Variants in RAB11FIP4 observed in about 807,000 individuals in gnomAD.
The protein encoded by RAB11FIP4 is RAB11 family interacting protein 4.
A neutral mutation model predicts 74.3 loss-of-function variants in RAB11FIP4; 23 were observed. That is an observed-to-expected ratio of 0.31 (90% confidence interval 0.22 to 0.44). The LOEUF (loss-of-function observed/expected upper bound fraction) is 0.44. RAB11FIP4 is among the 20% of genes least tolerant of loss of function. The probability of loss-of-function intolerance (pLI) is 1.00; values close to 1 mark genes in which losing one functional copy is unlikely to be tolerated. For synonymous variants in RAB11FIP4, 360 were observed against 359.9 expected (o/e 1.00, Z 0.00); for missense variants, 630 against 863.9 (o/e 0.73, Z 3.39).
intron 11 of RAB11FIP4, 94 bp from the exon 12 acceptor site, chr17:31,528,312 G>A (rs967652745): frequency 6.1e-5 from 87 of 1,429,982 alleles, no homozygotes; most frequent in South Asian, 4.5e-4. Flanking sequence ...CATCTGCCTC[G>A]TGAAGATGGC....
chr17:31,488,431 A>G (rs1469654751), intron 3 of RAB11FIP4: 13 of 819,404 alleles, frequency 1.6e-5, no homozygotes, highest in Admixed American at 5.7e-5. Context: ...AGCCGCTGCC[A>G]GGTGCGCGGG....
intron 11 of RAB11FIP4, among the ~76,000 whole-genome samples, 191 bp downstream of exon 11, chr17:31,528,114 G>T (rs760016470): frequency 2.0e-5 from 3 of 149,718 alleles, no homozygotes; most frequent in Non-Finnish European, 4.5e-5. Context: ...ATACAATGGA[G>T]AAAAATTAGT....
intron 3 of RAB11FIP4, among the ~76,000 whole-genome samples, chr17:31,445,529 ATTTTATATAT>A (rs1489889093): frequency 4.4e-4 from 40 of 90,700 alleles, no homozygotes; most frequent in Admixed American, 7.2e-4. Flanking sequence ...AATTTTCCCA[ATTTTATATAT>A]ATATATATAT....
At chr17:31,488,285 C>CCCGGGGCTGGCGCTCGCAGGGCT in intron 3 of RAB11FIP4, 1 of 1,176,244 alleles carries the variant, frequency 8.5e-7, no homozygotes, top group Admixed American at 4.6e-5. Flanking sequence ...AAGCGGCGGC[C>CCCGGGGCTGGCGCTCGCAGGGCT]CCGGGGCTGG....
intron 1 of RAB11FIP4, 76 bp downstream of exon 1, chr17:31,392,087 G>A: frequency 1.2e-6 from 1 of 854,714 alleles, no homozygotes; most frequent in Non-Finnish European, 1.3e-6. Context: ...CTCCCCCGCC[G>A]GGTCACCCGC....
In RAB11FIP4 at chr17:31,505,503, AT is replaced by A. The variant is rs1375111027; in HGVS notation, c.337-12146del. Among the ~76,000 whole-genome samples, 18 of 62,752 alleles carry A rather than the reference AT, an allele frequency of 2.9e-4. 1 individual carries two copies. The highest frequency in any genetic ancestry group is 7.6e-4 in the Admixed American group (3 of 3,964). The allele number at this position is 62,752 out of a possible 152,430, so 41.2% of individuals were successfully genotyped here. ...ATAATATATAATATATAATTATTAT[AT>A]TATATATAATAATTATATATTATAT... is the stretch of plus-strand genomic sequence containing the variant. On this transcript the variant is annotated intron_variant, in intron 3 of 14. Transcript: ENST00000621161.
At chr17:31,494,365 C>T (rs769757223) in intron 3 of RAB11FIP4, among the ~76,000 whole-genome samples, 5 of 152,022 alleles carry the variant, frequency 3.3e-5, no homozygotes, top group Non-Finnish European at 7.4e-5. Context: ...TCACAGGGTT[C>T]GTGGTAAGGC....
At chr17:31,436,588 A>C (rs1244467745) in intron 3 of RAB11FIP4, among the ~76,000 whole-genome samples, 1 of 151,836 alleles carries the variant, frequency 6.6e-6, no homozygotes, top group Non-Finnish European at 1.5e-5. Flanking sequence ...CCACCAAGGT[A>C]CTCTTTTTTG....
chr17:31,457,367 A>G (rs978736728), intron 3 of RAB11FIP4, among the ~76,000 whole-genome samples: 1 of 151,890 alleles, frequency 6.6e-6, no homozygotes, highest in African/African-American at 2.4e-5. Context: ...AGATTCCAAG[A>G]ACTAGCAGGT....
chr17:31,406,914 CT>C (rs2071047129), intron 1 of RAB11FIP4, among the ~76,000 whole-genome samples: 1 of 151,908 alleles, frequency 6.6e-6, no homozygotes, highest in African/African-American at 2.4e-5. Flanking sequence ...ATATCTATCA[CT>C]TCTTTAGTAG....
chr17:31,517,541 GTACCCA>G, intron 3 of RAB11FIP4, 104 bp from the exon 4 acceptor site: 2 of 1,032,114 alleles, frequency 1.9e-6, no homozygotes, highest in Non-Finnish European at 2.9e-6. Flanking sequence ...TGGGCCTCCT[GTACCCA>G]ATCCCTGCTG....
chr17:31,478,970 C>A (rs745335776), intron 3 of RAB11FIP4, among the ~76,000 whole-genome samples: 1 of 152,174 alleles, frequency 6.6e-6, no homozygotes, highest in African/African-American at 2.4e-5. Context: ...CAGGCAATTC[C>A]GGTTGCTGTA....
At chr17:31,445,572 ATATATATTTTTTTTTTTTTT>A (rs2071452881) in intron 3 of RAB11FIP4, among the ~76,000 whole-genome samples, 2 of 10,696 alleles carry the variant, frequency 1.9e-4, no homozygotes, top group African/African-American at 4.4e-4. Context: ...ATATATATAT[ATATATATTTTTTTTTTTTTT>A]TTTTTTTTTT....
At chr17:31,458,680 C>T (rs1289048752) in intron 3 of RAB11FIP4, among the ~76,000 whole-genome samples, 1 of 152,204 alleles carries the variant, frequency 6.6e-6, no homozygotes, top group African/African-American at 2.4e-5. Context: ...ACCTCTGGGC[C>T]TCCCAGCACA....
chr17:31,404,837 C>G (rs1429824038), intron 1 of RAB11FIP4, among the ~76,000 whole-genome samples: 1 of 152,010 alleles, frequency 6.6e-6, no homozygotes, highest in Non-Finnish European at 1.5e-5. Flanking sequence ...GATGAGAAAG[C>G]CTTTCTGGAG....
In RAB11FIP4 at chr17:31,534,058, A is replaced by G. The variant is rs1221501227; in HGVS notation, c.*2326A>G. ...GGCTCAAAAGCTAGCTTGAGGGGGC[A>G]GATGCCCCAGGTGTCCCAGCTCCAC... is the stretch of plus-strand genomic sequence containing the variant. On this transcript the variant is annotated 3_prime_UTR_variant, in exon 15 of 15. Transcript: ENST00000621161. The G allele has an allele frequency of 1.3e-5, 2 of 152,220 alleles. No homozygotes were observed. The highest frequency in any genetic ancestry group is 2.9e-5 in the Non-Finnish European group (2 of 68,038). The allele number at this position is 152,220 out of a possible 1,614,324, so 9.4% of individuals were successfully genotyped here.
intron 1 of RAB11FIP4, among the ~76,000 whole-genome samples, chr17:31,414,677 C>T (rs989388432): frequency 2.6e-5 from 4 of 152,170 alleles, no homozygotes; most frequent in African/African-American, 9.7e-5. Context: ...TGTCACTGGG[C>T]CATGGTGCTG....
intron 3 of RAB11FIP4, among the ~76,000 whole-genome samples, chr17:31,492,991 G>C (rs1040408942): frequency 9.9e-5 from 15 of 152,124 alleles, no homozygotes; most frequent in African/African-American, 3.6e-4. Context: ...CCAGAAGGAC[G>C]TGCAGCCTAC....
chr17:31,487,952 T>G, intron 3 of RAB11FIP4: 1 of 730,514 alleles, frequency 1.4e-6, no homozygotes, highest in Non-Finnish European at 1.7e-6. Flanking sequence ...GCCGCGTCCC[T>G]GTCCTCCGCC....
Sources: allele counts gnomAD v4.1 joint callset (sites outside exome capture counted in the v4.1 genomes callset), GRCh38; gene constraint gnomAD v4.1.1; transcripts MANE v1.5; gene names NCBI Gene and HGNC (gene_info 2026-07-23, HGNC 2026-07-21).